The following OR2L13 variants were observed in gnomAD, a reference collection of about 807,000 sequenced individuals.
OR2L13 encodes olfactory receptor 2L13.
OR2L13 carries 14 observed loss-of-function variants against 15.3 expected under a neutral mutation model. The observed-to-expected ratio is 0.91, with a 90% CI of 0.60 to 1.43. The LOEUF (loss-of-function observed/expected upper bound fraction) is 1.43, where lower values mean the gene tolerates loss of function less well. OR2L13 is among the 40% of genes most tolerant of loss of function. The probability of loss-of-function intolerance (pLI) is 0.00; values close to 1 mark genes in which losing one functional copy is unlikely to be tolerated. For missense variants in OR2L13, 367 were observed against 387.9 expected, an observed-to-expected ratio of 0.95 and a Z score of 0.45; for synonymous variants, 152 against 142.9, an observed-to-expected ratio of 1.06 and a Z score of -0.45.
At chr1:247,966,058 A>C in the OR2L13 span, 1 of 1,614,164 alleles carries the variant, frequency 6.2e-7, no homozygotes, top group Non-Finnish European at 8.5e-7. Flanking sequence ...GGTATTCCAG[A>C]TGAGCTCAGG....
At chr1:247,990,877 A>G in the OR2L13 span, 1 of 1,509,608 alleles carries the variant, frequency 6.6e-7, no homozygotes, top group Non-Finnish European at 9.2e-7. Flanking sequence ...GAGCACCACC[A>G]TTTTTCTTGT....
the OR2L13 span, chr1:247,949,339 A>T: frequency 6.2e-7 from 1 of 1,614,178 alleles, no homozygotes; most frequent in Non-Finnish European, 8.5e-7. Context: ...CACACTGTAT[A>T]TGTACTCCAT....
upstream of OR2L13, among the ~76,000 whole-genome samples, chr1:248,096,452 TTGCAC>T (rs1330311715): frequency 1.3e-3 from 198 of 151,710 alleles, 2 homozygotes; most frequent in African/African-American, 4.7e-3. Context: ...CTTGTTAGAG[TTGCAC>T]TATGTGCAGC....
the OR2L13 span, among the ~76,000 whole-genome samples, chr1:248,006,064 A>T: frequency 6.6e-6 from 1 of 152,148 alleles, no homozygotes; most frequent in Non-Finnish European, 1.5e-5. Flanking sequence ...GAGGGAAAAT[A>T]GGCCTCCCAT....
At chr1:247,947,145 G>A in the OR2L13 span, among the ~76,000 whole-genome samples, 1 of 152,158 alleles carries the variant, frequency 6.6e-6, no homozygotes, top group East Asian at 1.9e-4. Context: ...GTTTTCAAAA[G>A]TTCTTTAATG....
At chr1:248,077,697 G>A in the OR2L13 span, among the ~76,000 whole-genome samples, 3 of 152,240 alleles carry the variant, frequency 2.0e-5, no homozygotes, top group Non-Finnish European at 4.4e-5. Flanking sequence ...GTGTAAGTAC[G>A]ACTTCATGAA....
the OR2L13 span, among the ~76,000 whole-genome samples, chr1:248,065,667 G>T: frequency 7.1e-6 from 1 of 141,476 alleles, no homozygotes; most frequent in African/African-American, 2.6e-5. Context: ...TCCCACCTAT[G>T]AGTGAGAACA....
chr1:247,958,955 AT>A, the OR2L13 span, among the ~76,000 whole-genome samples: 2 of 152,162 alleles, frequency 1.3e-5, no homozygotes, highest in Non-Finnish European at 2.9e-5. Flanking sequence ...TAAGGTTAAT[AT>A]TGTTATGTGT....
the OR2L13 span, among the ~76,000 whole-genome samples, chr1:247,999,346 G>C: frequency 2.6e-5 from 4 of 152,032 alleles, no homozygotes; most frequent in African/African-American, 9.7e-5. Flanking sequence ...GTCTGTCTAC[G>C]TACTTACTGG....
At chr1:247,975,356 G>T in the OR2L13 span, 2 of 578,976 alleles carry the variant, frequency 3.5e-6, no homozygotes, top group South Asian at 1.7e-5. Context: ...ACCTTTATTG[G>T]TATTGCATGT....
chr1:248,065,763 TG>T, the OR2L13 span, among the ~76,000 whole-genome samples: 1 of 152,014 alleles, frequency 6.6e-6, no homozygotes, highest in Admixed American at 6.6e-5. Context: ...GTGACATAGT[TG>T]GGTAGAGTGA....
chr1:248,085,510 C>A, the OR2L13 span, among the ~76,000 whole-genome samples: 1 of 140,324 alleles, frequency 7.1e-6, no homozygotes, highest in African/African-American at 2.6e-5. Flanking sequence ...TTATCTTTTT[C>A]CAGATTATAG....
chr1:248,095,752 G>A (rs963053616), upstream of OR2L13, among the ~76,000 whole-genome samples: 3 of 150,712 alleles, frequency 2.0e-5, no homozygotes, highest in African/African-American at 7.3e-5. Context: ...GATCACAGGC[G>A]CATGCCACCA....
At chr1:248,009,589 A>G in the OR2L13 span, among the ~76,000 whole-genome samples, 1 of 152,100 alleles carries the variant, frequency 6.6e-6, no homozygotes, top group Non-Finnish European at 1.5e-5. Context: ...AATTCTACCA[A>G]AGGTACAAAG....
the OR2L13 span, among the ~76,000 whole-genome samples, chr1:248,073,612 A>G: frequency 6.6e-6 from 1 of 151,982 alleles, no homozygotes; most frequent in Non-Finnish European, 1.5e-5. Context: ...CATACCCTAA[A>G]ACTTAAAGTG....
chr1:248,016,184 T>C, the OR2L13 span, among the ~76,000 whole-genome samples: 3 of 152,338 alleles, frequency 2.0e-5, no homozygotes, highest in East Asian at 5.8e-4. Flanking sequence ...AATTTAATGA[T>C]ACATTCTGAC....
the OR2L13 span, chr1:247,990,639 T>C: frequency 5.1e-5 from 79 of 1,535,102 alleles, no homozygotes; most frequent in African/African-American, 2.0e-4. Flanking sequence ...GTTATGTGGC[T>C]ATTTGCTTTC....
the OR2L13 span, among the ~76,000 whole-genome samples, chr1:248,066,232 T>G: frequency 0.014 from 2,077 of 152,330 alleles, 54 homozygotes; most frequent in African/African-American, 0.047. Flanking sequence ...AAGATTCCCA[T>G]GTACATGTAA....
the OR2L13 span, among the ~76,000 whole-genome samples, chr1:248,037,982 AAG>A: frequency 6.6e-6 from 1 of 152,246 alleles, no homozygotes. Flanking sequence ...GTTTGAAAGA[AAG>A]AAAAATATAG....
Sources: allele counts gnomAD v4.1 joint callset (sites outside exome capture counted in the v4.1 genomes callset), GRCh38; gene constraint gnomAD v4.1.1; transcripts MANE v1.5; gene names NCBI Gene and HGNC (gene_info 2026-07-23, HGNC 2026-07-21).